CCDC158: variants seen among roughly 807,000 people sequenced by gnomAD.
The protein encoded by CCDC158 is coiled-coil domain containing 158.
In CCDC158, 116 loss-of-function variants were observed where a neutral mutation model predicts 138.6. The ratio of observed to expected loss-of-function variants is 0.84; its 90% CI spans 0.72 to 0.98. The LOEUF is 0.98. Among genes scored for constraint, CCDC158 ranks in the 50% least tolerant of loss-of-function variants. The pLI is 0.00. For synonymous variants in CCDC158, 436 were observed against 442.4 expected (o/e 0.99, Z 0.18); for missense variants, 1,265 against 1,306.1 (o/e 0.97, Z 0.48).
At chr4:76,412,915 T>C (rs1410099792) in intron 1 of CCDC158, among the ~76,000 whole-genome samples, 1 of 152,208 alleles carries the variant, frequency 6.6e-6, no homozygotes, top group Non-Finnish European at 1.5e-5. Context: ...TATGACCTAA[T>C]ATCAATATTC....
Position 76,351,770 on chromosome 4 carries a change from G to A in CCDC158, c.2488C>T (p.Gln830Ter), listed in dbSNP as rs759733116. 9 of 1,613,334 alleles carry A rather than the reference G, an allele frequency of 5.6e-6. No homozygotes were observed. In the Admixed American group the frequency reaches 1.5e-4, roughly 27 times the overall value. Residue 830 changes from glutamine (Q) to a stop codon, truncating the protein, a stop_gained, in exon 17 of 25, where the codon CAG becomes TAG. Coordinates refer to ENST00000682701, the MANE Select transcript of CCDC158 (RefSeq NM_001394954.1). LOFTEE classifies it high-confidence loss of function. ...TTTAAGCGCACTGATTCTTGCTCCTGACGCTGTATTATATCTTGACATTCT... is the reference window on the plus strand; with the variant it reads ...TTTAAGCGCACTGATTCTTGCTCCTAACGCTGTATTATATCTTGACATTCT... ...FAECQDIIQR[Q>*]EQESVRLKLQ... is the part of the protein sequence containing the mutation.
In CCDC158 at chr4:76,415,969, ATC is replaced by A. The variant is rs1291889502; in HGVS notation, c.-116-3839_-116-3838del. ...GGGCCTGACAGGCCCGCCTGCAGTT[ATC>A]CAGAGGCCTAACCGTCTCCCTGTGA... On this transcript the variant is annotated intron_variant, in intron 1 of 24. Coordinates refer to ENST00000682701, the MANE Select transcript of CCDC158 (RefSeq NM_001394954.1). 2.0e-5 allele frequency among the ~76,000 whole-genome samples: 3 copies of A among 152,196 alleles called. No individual in the cohort carries two copies. The East Asian group carries it at 5.8e-4, about 29-fold the overall frequency.
chr4:76,368,867 T>C (rs1400222025), intron 11 of CCDC158, among the ~76,000 whole-genome samples: 1 of 152,226 alleles, frequency 6.6e-6, no homozygotes, highest in African/African-American at 2.4e-5. Flanking sequence ...GATAAGAGTT[T>C]AGTTCTTCAA....
At chr4:76,356,904 T>C (rs1178302255) in intron 14 of CCDC158, among the ~76,000 whole-genome samples, 1 of 152,192 alleles carries the variant, frequency 6.6e-6, no homozygotes, top group Non-Finnish European at 1.5e-5. Context: ...GGAATAAATC[T>C]GGGTGGTGAG....
rs188224511 is a variant in CCDC158, at chr4:76,387,251, G to A, written c.289-2586C>T. Reference sequence around the variant, plus strand: ...GTACCAGTTCAGCCACAGTAGGGTAGGGCAGTGGGCAGAGTCATGAGGCCC... The same window carrying A: ...GTACCAGTTCAGCCACAGTAGGGTAAGGCAGTGGGCAGAGTCATGAGGCCC... On this transcript the variant is annotated intron_variant, in intron 4 of 24. Coordinates refer to ENST00000682701, the MANE Select transcript of CCDC158 (RefSeq NM_001394954.1). 2.1e-3 allele frequency among the ~76,000 whole-genome samples: 319 copies of A among 152,268 alleles called. 3 individuals carry two copies. Among genetic ancestry groups the A allele is most frequent in the Non-Finnish European group, 6.3e-4 (43 of 68,014 alleles).
At chr4:76,369,185 A>G (rs1210661319) in intron 11 of CCDC158, among the ~76,000 whole-genome samples, 1 of 152,168 alleles carries the variant, frequency 6.6e-6, no homozygotes, top group Non-Finnish European at 1.5e-5. Context: ...ACTGCACTCC[A>G]GCCTGGGTGA....
At position 76,404,108 on chromosome 4, in the gene CCDC158, C is replaced by T. The variant is rs796419523; in HGVS notation, c.-73-828G>A. Among the ~76,000 whole-genome samples the T allele has an allele frequency of 4.6e-5, 7 of 152,076 alleles. 1 individual carries two copies. The highest frequency in any genetic ancestry group is 9.6e-5 in the African/African-American group (4 of 41,456). ...AGATACAGAGAGAAAAAATGGTCTC[C>T]CCTAGGGACATGGCAGTCAAGGGAA... On this transcript the variant is annotated intron_variant, in intron 2 of 24. Coordinates refer to ENST00000682701, the MANE Select transcript of CCDC158 (RefSeq NM_001394954.1).
intron 1 of CCDC158, among the ~76,000 whole-genome samples, chr4:76,417,429 G>C (rs555780460): frequency 6.6e-6 from 1 of 152,206 alleles, no homozygotes; most frequent in Admixed American, 6.5e-5. Context: ...AGGCATGATT[G>C]GTTTTGAAAT....
At chr4:76,324,801 T>C (rs1383663247) in intron 23 of CCDC158, among the ~76,000 whole-genome samples, 1 of 152,142 alleles carries the variant, frequency 6.6e-6, no homozygotes, top group Non-Finnish European at 1.5e-5. Flanking sequence ...CCTTAAGCAA[T>C]TGTCCTGTTC....
Position 76,396,445 on chromosome 4 carries a change from T to C in CCDC158, c.112A>G (p.Ile38Val), listed in dbSNP as rs776602094. ...SFFVSSIRGT[I>V]IENTSSAGTL... is the part of the protein sequence containing the mutation. ...CCAGCTGAAGATGTGTTTTCAATTA[T>C]TGTACCACGAATAGATGACACAAAA... The change falls in exon 4 of 25, where the codon ATA becomes GTA. Residue 38 changes from isoleucine to valine, a missense_variant. Physicochemically the swap from Ile to Val is conservative, Grantham distance 29. Coordinates refer to ENST00000682701, the MANE Select transcript of CCDC158 (RefSeq NM_001394954.1). 1.2e-6 allele frequency: 2 copies of C among 1,613,792 alleles called. No homozygotes were observed. The highest frequency in any genetic ancestry group is 8.5e-7 in the Non-Finnish European group (1 of 1,179,890).
intron 2 of CCDC158, among the ~76,000 whole-genome samples, chr4:76,408,654 C>A (rs991250377): frequency 6.6e-6 from 1 of 152,130 alleles, no homozygotes; most frequent in African/African-American, 2.4e-5. Flanking sequence ...AACACGTGTT[C>A]ATGTGTCTTT....
chr4:76,359,426 G>T (rs1723913291), intron 13 of CCDC158, among the ~76,000 whole-genome samples: 1 of 152,218 alleles, frequency 6.6e-6, no homozygotes, highest in Admixed American at 6.5e-5. Context: ...ACAGGAAGAT[G>T]TGGGAAAGTT....
chr4:76,361,638 A>G (rs2110212711), intron 13 of CCDC158, among the ~76,000 whole-genome samples: 1 of 152,314 alleles, frequency 6.6e-6, no homozygotes, highest in East Asian at 1.9e-4. Context: ...TAATACACAT[A>G]CCAACCATAA....
intron 4 of CCDC158, among the ~76,000 whole-genome samples, chr4:76,385,341 C>A (rs370467252): frequency 1.3e-5 from 2 of 151,236 alleles, no homozygotes; most frequent in African/African-American, 4.9e-5. Context: ...CAAGCAAACA[C>A]CCAGAAAAAA....
chr4:76,378,699 T>C (rs1350688622), intron 9 of CCDC158, among the ~76,000 whole-genome samples: 2 of 152,040 alleles, frequency 1.3e-5, no homozygotes, highest in African/African-American at 4.8e-5. Flanking sequence ...TGAACAAAAG[T>C]CTAAACTCTG....
At chr4:76,341,565 A>G (rs765282280) in intron 18 of CCDC158, among the ~76,000 whole-genome samples, 11 of 152,244 alleles carry the variant, frequency 7.2e-5, no homozygotes, top group Admixed American at 1.3e-4. Context: ...AGTGCATAGG[A>G]ATAGAATCTG....
At chr4:76,322,176 C>T (rs1477988205) in intron 24 of CCDC158, among the ~76,000 whole-genome samples, 1 of 152,120 alleles carries the variant, frequency 6.6e-6, no homozygotes, top group Non-Finnish European at 1.5e-5. Flanking sequence ...CACAAATTCA[C>T]AATAAACTTA....
At chr4:76,373,021 G>T (rs1490337011) in intron 9 of CCDC158, among the ~76,000 whole-genome samples, 1 of 152,090 alleles carries the variant, frequency 6.6e-6, no homozygotes, top group African/African-American at 2.4e-5. Context: ...GCTAATTTTT[G>T]TATTTTTAGT....
Position 76,379,223 on chromosome 4 carries a change from T to C in CCDC158, c.1029+67A>G. On this transcript the variant is annotated intron_variant, in intron 9 of 24. Transcript: ENST00000682701. Reference sequence around the variant, plus strand: ...TGATTCCTTATTTTCAAATAAACTATTACTAATATAATATTGATTCTGGAT... The same window carrying C: ...TGATTCCTTATTTTCAAATAAACTACTACTAATATAATATTGATTCTGGAT... 5.0e-6 allele frequency: 4 copies of C among 804,496 alleles called. No homozygotes were observed. In the South Asian group the frequency reaches 1.0e-4, roughly 20 times the overall value. The allele number at this position is 804,496 out of a possible 1,614,324, so 49.8% of individuals were successfully genotyped here.
Sources: gnomAD v4.1 joint callset for allele counts (sites outside exome capture counted in the v4.1 genomes callset) on GRCh38, gnomAD v4.1.1 for gene constraint, MANE v1.5 for transcripts, NCBI Gene and HGNC (gene_info 2026-07-23, HGNC 2026-07-21) for gene names.